ERAP2: variants seen among roughly 807,000 people sequenced by gnomAD.
ERAP2 encodes leukocyte-derived arginine aminopeptidase.
Under a neutral mutation model 111.1 loss-of-function variants are expected in ERAP2, and 118 were observed. The ratio of observed to expected loss-of-function variants is 1.06; its 90% CI spans 0.92 to 1.24. The LOEUF (loss-of-function observed/expected upper bound fraction) is 1.24. ERAP2 is among the 50% of genes most tolerant of loss of function. The pLI, the probability that ERAP2 is intolerant of heterozygous loss-of-function variation, is 0.00. For missense variants in ERAP2, 1,131 were observed against 1,125.8 expected (o/e 1.00, Z -0.07); for synonymous variants, 410 against 401.2 (o/e 1.02, Z -0.26).
At chr5:96,888,767 T>C (rs112293577) in intron 4 of ERAP2, among the ~76,000 whole-genome samples, 2,791 of 152,328 alleles carry the variant, frequency 0.018, 103 homozygotes, top group African/African-American at 0.063. Context: ...AATAAGTTCT[T>C]CATGGCTTCC....
intron 17 of ERAP2, among the ~76,000 whole-genome samples, chr5:96,915,289 G>GT (rs1787254882): frequency 6.6e-6 from 1 of 152,132 alleles, no homozygotes; most frequent in South Asian, 2.1e-4. Flanking sequence ...GATTACAGGT[G>GT]TGAGCCACCG....
chr5:96,901,429 G>A, intron 10 of ERAP2, 77 bp from the exon 11 acceptor site: 1 of 1,483,372 alleles, frequency 6.7e-7, no homozygotes, highest in Non-Finnish European at 9.2e-7. Flanking sequence ...TGGCATCCAA[G>A]GAGATGGAAG....
chr5:96,913,393 C>T lies in ERAP2; in HGVS notation c.2593C>T (p.Arg865Cys), dbSNP rs201533372. Residue 865 changes from arginine to cysteine, a missense_variant, in exon 17 of 19, where the codon CGT (arginine) becomes TGT (cysteine). This residue lies in a region of ERAP2 where 279 missense variants were observed against 250.9 expected (regional missense o/e 1.11). Coordinates refer to ENST00000437043, the MANE Select transcript of ERAP2 (RefSeq NM_022350.5). ...AGCTCTCCTTCATGCGATTGCCAGA[C>T]GTCCAAAGGGGCAGCAACTAGCATG... ...LAALLHAIAR[R>C]PKGQQLAWDF... 274 of 1,614,020 alleles carry T rather than the reference C, an allele frequency of 1.7e-4. No individual in the cohort carries two copies. The highest frequency in any genetic ancestry group is 3.3e-4 in the Middle Eastern group (2 of 6,062).
Position 96,892,310 on chromosome 5 carries a change from A to G in ERAP2, c.982A>G (p.Ile328Val), listed in dbSNP as rs142595885. 4.8e-5 allele frequency: 77 copies of G among 1,613,784 alleles called. No homozygotes were observed. The highest frequency in any genetic ancestry group is 5.7e-5 in the Non-Finnish European group (67 of 1,179,840). ...TTCTTATTTCTTAGATTTAATTGCT[A>G]TTCCTGACTTTGCACCTGGAGCCAT... ...YPLSKLDLIA[I>V]PDFAPGAMEN... The change falls in exon 6 of 19, where the codon ATT becomes GTT. Residue 328 changes from isoleucine (I) to valine (V), a missense_variant. By Grantham distance (29) the Ile-to-Val change is conservative. Around this residue, in one of 3 missense-constraint regions of ERAP2, gnomAD observed 847 missense variants for 856.5 expected, o/e 0.99. Coordinates refer to ENST00000437043, the MANE Select transcript of ERAP2 (RefSeq NM_022350.5).
chr5:96,906,072 G>C (rs1413182330), intron 13 of ERAP2, among the ~76,000 whole-genome samples: 1 of 151,408 alleles, frequency 6.6e-6, no homozygotes, highest in African/African-American at 2.4e-5. Context: ...ACCACACCCA[G>C]TGTAAATCAA....
intron 9 of ERAP2, among the ~76,000 whole-genome samples, chr5:96,897,821 G>A (rs747155640): frequency 1.3e-5 from 2 of 152,174 alleles, no homozygotes; most frequent in Non-Finnish European, 2.9e-5. Context: ...AGACAGAAGA[G>A]ATCCTTTCTT....
chr5:96,909,536 G>T (rs749637915), intron 14 of ERAP2, 44 bp from the exon 15 acceptor site: 2 of 1,506,190 alleles, frequency 1.3e-6, no homozygotes, highest in Non-Finnish European at 1.8e-6. Flanking sequence ...CTGTGTTAAG[G>T]ACTAAATTTA....
chr5:96,897,798 C>A (rs370120972), intron 9 of ERAP2, among the ~76,000 whole-genome samples: 1 of 152,092 alleles, frequency 6.6e-6, no homozygotes, highest in Non-Finnish European at 1.5e-5. Flanking sequence ...TTAGAAGAAC[C>A]CTAAGTCATT....
chr5:96,901,318 T>C (rs1376909196), intron 10 of ERAP2, among the ~76,000 whole-genome samples, 188 bp from the exon 11 acceptor site: 1 of 152,192 alleles, frequency 6.6e-6, no homozygotes, highest in Non-Finnish European at 1.5e-5. Flanking sequence ...TTCAAGTAAT[T>C]TGCAGAGAGC....
intron 18 of ERAP2, among the ~76,000 whole-genome samples, chr5:96,916,496 C>G (rs1268224469): frequency 8.9e-6 from 1 of 112,384 alleles, no homozygotes; most frequent in Non-Finnish European, 1.7e-5. Context: ...GAGTCTTGCT[C>G]TGTTGCCCAG....
chr5:96,908,027 G>A (rs890640366), intron 13 of ERAP2, among the ~76,000 whole-genome samples: 85 of 152,152 alleles, frequency 5.6e-4, no homozygotes, highest in African/African-American at 2.0e-3. Context: ...AAGATTAAAG[G>A]GACAACAAAA....
At chr5:96,878,694 G>A (rs1019047294) in intron 1 of ERAP2, among the ~76,000 whole-genome samples, 16 of 152,146 alleles carry the variant, frequency 1.1e-4, no homozygotes, top group African/African-American at 3.4e-4. Flanking sequence ...TTGGGAGGCT[G>A]AGGCAAGTGG....
intron 4 of ERAP2, among the ~76,000 whole-genome samples, chr5:96,888,613 A>C (rs572347614): frequency 6.6e-6 from 1 of 152,228 alleles, no homozygotes; most frequent in Non-Finnish European, 1.5e-5. Flanking sequence ...TGGGTCATGA[A>C]ATAAAAGTAG....
chr5:96,891,823 C>T (rs1255404734), intron 5 of ERAP2, among the ~76,000 whole-genome samples: 1 of 152,030 alleles, frequency 6.6e-6, no homozygotes, highest in East Asian at 1.9e-4. Context: ...ATAGAGATGG[C>T]TCCTAAGAGG....
At chr5:96,895,095 T>C (rs576803493) in intron 6 of ERAP2, 151 bp from the exon 7 acceptor site, 57 of 550,034 alleles carry the variant, frequency 1.0e-4, no homozygotes, top group African/African-American at 7.7e-4. Flanking sequence ...AGGAAATCAG[T>C]AGAAGAAAAT....
At position 96,886,717 on chromosome 5, in the gene ERAP2, G is replaced by A; in HGVS notation, c.777G>A (p.Met259Ile). Residue 259 changes from methionine (M) to isoleucine (I), a missense_variant, in exon 4 of 19, where the codon ATG (methionine) becomes ATA (isoleucine). By Grantham distance (10) the Met-to-Ile change is conservative. This residue lies in a region of ERAP2 where 847 missense variants were observed against 856.5 expected (regional missense o/e 0.99). Coordinates refer to ENST00000437043, the MANE Select transcript of ERAP2 (RefSeq NM_022350.5). ...ATCACTTTGAAACTACTGTAAAAAT[G>A]AGTACATACCTTGTAGCCTACATAG... ...LEDHFETTVK[M>I]STYLVAYIVC... The A allele has an allele frequency of 1.3e-6, 2 of 1,554,104 alleles. No homozygotes were observed. The highest frequency in any genetic ancestry group is 8.8e-7 in the Non-Finnish European group (1 of 1,138,782).
chr5:96,892,573 C>G (rs953456211), intron 6 of ERAP2, 120 bp downstream of exon 6: 5 of 1,137,590 alleles, frequency 4.4e-6, no homozygotes, highest in Admixed American at 2.4e-5. Flanking sequence ...AACTTAGAGA[C>G]TACTAAACCT....
At position 96,907,163 on chromosome 5, in the gene ERAP2, G is replaced by A. The variant is rs189305848; in HGVS notation, c.2013-1798G>A. On this transcript the variant is annotated intron_variant, in intron 13 of 18. Transcript: ENST00000437043. ...TGTGGACTTTTACTGTTGAGCTAAG[G>A]TTTATGTTTATATATGTTTTATTCT... Among the ~76,000 whole-genome samples the A allele has an allele frequency of 8.5e-5, 13 of 152,240 alleles. No homozygotes were observed. The East Asian group carries it at 2.5e-3, about 29-fold the overall frequency.
intron 2 of ERAP2, among the ~76,000 whole-genome samples, chr5:96,883,439 AGT>A (rs1373881750): frequency 1.3e-5 from 2 of 152,206 alleles, no homozygotes; most frequent in African/African-American, 2.4e-5. Flanking sequence ...TTAATTTCCT[AGT>A]GAATTTTGAA....
Sources: allele counts gnomAD v4.1 joint callset (sites outside exome capture counted in the v4.1 genomes callset), GRCh38; gene constraint gnomAD v4.1.1; regional missense constraint gnomAD v4.1.1; transcripts MANE v1.5; gene names NCBI Gene and HGNC (gene_info 2026-07-23, HGNC 2026-07-21).